PPP1R12B: variants seen among roughly 807,000 people sequenced by gnomAD.
PPP1R12B encodes protein phosphatase 1 regulatory subunit 12B, also known as myosin phosphatase target subunit 2.
A neutral mutation model predicts 126.1 loss-of-function variants in PPP1R12B; 76 were observed. That is an observed-to-expected ratio of 0.60 (90% CI 0.50 to 0.73). The LOEUF (loss-of-function observed/expected upper bound fraction) is 0.73, where lower values mean the gene tolerates loss of function less well. PPP1R12B is among the 30% of genes least tolerant of loss of function. The pLI is 0.00. For missense variants in PPP1R12B, 1,052 were observed against 1,205.1 expected (o/e 0.87, Z 1.88); for synonymous variants, 356 against 434.7 (o/e 0.82, Z 2.25).
chr1:202,551,616 A>G lies in PPP1R12B; in HGVS notation c.2491-7261A>G, dbSNP rs1474379251. Among the ~76,000 whole-genome samples the G allele has an allele frequency of 3.3e-5, 5 of 152,248 alleles. No homozygotes were observed. In the East Asian group the frequency reaches 9.6e-4, roughly 29 times the overall value. ...CACCTGATCTGTAGAACCCACGTAT[A>G]TGACAAGATAGCTCTCGCATGATTG... On this transcript the variant is annotated intron_variant, in intron 18 of 23. Coordinates refer to ENST00000608999, the MANE Select transcript of PPP1R12B (RefSeq NM_002481.4).
At chr1:202,481,787 A>G (rs1572216725) in intron 13 of PPP1R12B, among the ~76,000 whole-genome samples, 4 of 152,150 alleles carry the variant, frequency 2.6e-5, no homozygotes, top group Non-Finnish European at 5.9e-5. Context: ...GCTTTTAACC[A>G]TAGTCACCTT....
chr1:202,466,813 C>T (rs77417015), intron 13 of PPP1R12B, among the ~76,000 whole-genome samples: 2,936 of 152,118 alleles, frequency 0.019, 107 homozygotes, highest in African/African-American at 0.067. Flanking sequence ...ACAGGTAAAC[C>T]AAATCTTTCT....
intron 1 of PPP1R12B, among the ~76,000 whole-genome samples, chr1:202,398,026 C>T (rs139224431): frequency 0.023 from 3,455 of 152,306 alleles, 133 homozygotes; most frequent in African/African-American, 0.077. Flanking sequence ...ATTCTCCCAC[C>T]TCAGCCTCCC....
In PPP1R12B at chr1:202,486,722, C is replaced by T. The variant is rs185507467; in HGVS notation, c.1851-1811C>T. 2.7e-3 allele frequency among the ~76,000 whole-genome samples: 409 copies of T among 152,260 alleles called. 3 individuals are homozygous for T. Among genetic ancestry groups the T allele is most frequent in the Admixed American group, 7.2e-3 (110 of 15,286 alleles). ...CTTGCAAAGGCTGAGGCGGGAAAAT[C>T]GCCTGAGTCCAGGAAATCAAGGCTA... On this transcript the variant is annotated intron_variant, in intron 13 of 23. Transcript: ENST00000608999.
chr1:202,385,766 TA>T (rs1269745087), intron 1 of PPP1R12B, among the ~76,000 whole-genome samples: 3 of 152,204 alleles, frequency 2.0e-5, no homozygotes, highest in Non-Finnish European at 2.9e-5. Context: ...TATTATGGAT[TA>T]AATGTTTAGT....
At chr1:202,440,292 A>G (rs920388728) in intron 10 of PPP1R12B, among the ~76,000 whole-genome samples, 1 of 152,198 alleles carries the variant, frequency 6.6e-6, no homozygotes, top group African/African-American at 2.4e-5. Flanking sequence ...ACTATTGTAC[A>G]TATTCCTAAG....
Position 202,567,667 on chromosome 1 carries a change from A to G in PPP1R12B, c.2758-111A>G, listed in dbSNP as rs1001966632. On this transcript the variant is annotated intron_variant, in intron 21 of 23. Coordinates refer to ENST00000608999, the MANE Select transcript of PPP1R12B (RefSeq NM_002481.4). Reference sequence around the variant, plus strand: ...GGATCCCTGCTATAGGGGAAGTCCAAAGTTTTACTGTTTATTTCTAGATGT... The same window carrying G: ...GGATCCCTGCTATAGGGGAAGTCCAGAGTTTTACTGTTTATTTCTAGATGT... 2.4e-5 allele frequency: 29 copies of G among 1,199,570 alleles called. No individual in the cohort carries two copies. The South Asian group carries it at 2.8e-4, about 11-fold the overall frequency. 74.3% of individuals were successfully genotyped at this position (1,199,570 alleles called of 1,614,324 possible). A position where few individuals can be genotyped will look rare whatever the true frequency, so the allele number is the denominator to read the frequency against.
At chr1:202,374,950 C>CT (rs1431347198) in intron 1 of PPP1R12B, among the ~76,000 whole-genome samples, 2 of 151,944 alleles carry the variant, frequency 1.3e-5, no homozygotes, top group Admixed American at 6.6e-5. Flanking sequence ...TTCTTCTTTT[C>CT]TTTTTTTCTT....
intron 1 of PPP1R12B, among the ~76,000 whole-genome samples, chr1:202,415,867 G>C (rs547787157): frequency 1.3e-5 from 2 of 152,102 alleles, no homozygotes; most frequent in African/African-American, 4.8e-5. Context: ...AGCAGTGTTT[G>C]TTTAGCAATT....
chr1:202,403,533 A>G (rs1666149162), intron 1 of PPP1R12B, among the ~76,000 whole-genome samples: 1 of 152,240 alleles, frequency 6.6e-6, no homozygotes, highest in Non-Finnish European at 1.5e-5. Flanking sequence ...CTGCTGTACA[A>G]TAATGCCTTG....
chr1:202,568,169 T>TACACACAC (rs112151278), intron 22 of PPP1R12B, among the ~76,000 whole-genome samples: 6 of 147,360 alleles, frequency 4.1e-5, no homozygotes, highest in Admixed American at 6.8e-5. Flanking sequence ...AATCATTGCA[T>TACACACAC]ACACACACAC....
chr1:202,447,934 T>G (rs1672478427), intron 12 of PPP1R12B, among the ~76,000 whole-genome samples: 1 of 152,190 alleles, frequency 6.6e-6, no homozygotes, highest in Admixed American at 6.5e-5. Context: ...TCTGGAGAAG[T>G]AGCATGTGTT....
chr1:202,518,950 A>G (rs1295426114), intron 18 of PPP1R12B, among the ~76,000 whole-genome samples: 6 of 152,376 alleles, frequency 3.9e-5, no homozygotes, highest in Middle Eastern at 3.4e-3. Context: ...GTCTGTCTAT[A>G]CATATATAGC....
At chr1:202,487,780 G>C (rs1678349708) in intron 13 of PPP1R12B, among the ~76,000 whole-genome samples, 1 of 151,954 alleles carries the variant, frequency 6.6e-6, no homozygotes, top group South Asian at 2.1e-4. Flanking sequence ...GCTAATTTTT[G>C]TATTTTTAGT....
intron 1 of PPP1R12B, among the ~76,000 whole-genome samples, chr1:202,351,242 T>TA (rs759452680): frequency 1.5e-3 from 171 of 117,500 alleles, no homozygotes; most frequent in South Asian, 8.8e-3. Context: ...TGTTGTTGTT[T>TA]AAAAAAAAAA....
Position 202,438,839 on chromosome 1 carries a change from C to T in PPP1R12B, c.1458+815C>T, listed in dbSNP as rs1225117893. The stretch of plus-strand genomic sequence containing the variant: ...AACTCACGGACGTGGGGGAGACGGC[C>T]ATGGTCACTGCTGACTCCATCTACT... On this transcript the variant is annotated intron_variant, in intron 10 of 23. Coordinates refer to ENST00000608999, the MANE Select transcript of PPP1R12B (RefSeq NM_002481.4). The T allele has an allele frequency of 6.0e-6, 6 of 1,001,006 alleles. No individual in the cohort carries two copies. In the East Asian group the frequency reaches 1.2e-4, roughly 20 times the overall value. 62.0% of individuals were successfully genotyped at this position (1,001,006 alleles called of 1,614,324 possible). A position where few individuals can be genotyped will look rare whatever the true frequency, so the allele number is the denominator to read the frequency against.
At chr1:202,390,357 C>T (rs1663939299) in intron 1 of PPP1R12B, among the ~76,000 whole-genome samples, 1 of 152,092 alleles carries the variant, frequency 6.6e-6, no homozygotes, top group Non-Finnish European at 1.5e-5. Flanking sequence ...TCCATGACCT[C>T]GGATTGATTA....
intron 18 of PPP1R12B, among the ~76,000 whole-genome samples, chr1:202,548,802 C>CTATATA (rs1351587055): frequency 2.0e-4 from 19 of 95,436 alleles, no homozygotes; most frequent in Non-Finnish European, 3.5e-4. Flanking sequence ...CTCTCTCTCT[C>CTATATA]TCTCTCTATA....
At chr1:202,491,178 G>A (rs1278773390) in intron 14 of PPP1R12B, among the ~76,000 whole-genome samples, 1 of 152,134 alleles carries the variant, frequency 6.6e-6, no homozygotes, top group Non-Finnish European at 1.5e-5. Flanking sequence ...AGGCCGGGGT[G>A]CAATGGTGTG....
Sources: gnomAD v4.1 joint callset for allele counts (sites outside exome capture counted in the v4.1 genomes callset) on GRCh38, gnomAD v4.1.1 for gene constraint, MANE v1.5 for transcripts, NCBI Gene and HGNC (gene_info 2026-07-23, HGNC 2026-07-21) for gene names.